EPHB1: variants seen among roughly 807,000 people sequenced by gnomAD.
The protein encoded by EPHB1 is ephrin type-B receptor 1.
EPHB1 carries 30 observed loss-of-function variants against 94.4 expected under a neutral mutation model. The ratio of observed to expected loss-of-function variants is 0.32; its 90% CI spans 0.24 to 0.43. EPHB1 has a LOEUF of 0.43. EPHB1 is among the 20% of genes least tolerant of loss of function. The pLI is 1.00. For synonymous variants in EPHB1, 522 were observed against 489.1 expected, an observed-to-expected ratio of 1.07 and a Z score of -0.89; for missense variants, 1,055 against 1,308.3, an observed-to-expected ratio of 0.81 and a Z score of 2.99.
At chr3:134,906,780 C>T (rs1312640228) in intron 1 of EPHB1, among the ~76,000 whole-genome samples, 7 of 152,208 alleles carry the variant, frequency 4.6e-5, no homozygotes, top group Non-Finnish European at 1.0e-4. Flanking sequence ...GGAGAATGTG[C>T]TCCTGGGTTG....
chr3:134,879,114 C>T (rs947418082), intron 1 of EPHB1, among the ~76,000 whole-genome samples: 2 of 152,162 alleles, frequency 1.3e-5, no homozygotes, highest in Non-Finnish European at 2.9e-5. Context: ...TCCCTTCCTG[C>T]ACCCAGGAAA....
chr3:135,179,745 C>T (rs1942101600), intron 9 of EPHB1, 115 bp from the exon 10 acceptor site: 1 of 1,280,712 alleles, frequency 7.8e-7, no homozygotes, highest in Non-Finnish European at 1.1e-6. Flanking sequence ...AAGTTGCAGC[C>T]TGGTGTGTAG....
At chr3:134,958,414 GTGT>G (rs1559771713) in intron 3 of EPHB1, among the ~76,000 whole-genome samples, 17,174 of 101,508 alleles carry the variant, frequency 0.17, 1,750 homozygotes, top group African/African-American at 0.42. Flanking sequence ...ACACAAGGGA[GTGT>G]GTGTGTGTGT....
chr3:135,034,392 C>T (rs1475340529), intron 3 of EPHB1, among the ~76,000 whole-genome samples: 1 of 152,170 alleles, frequency 6.6e-6, no homozygotes, highest in Admixed American at 6.5e-5. Flanking sequence ...GCTGGGTCTG[C>T]CTTGGAGGAT....
rs941519632 is a variant in EPHB1 at position 135,248,596 on chromosome 3, G to A, written c.2690+87G>A. 21 of 1,378,300 alleles carry A rather than the reference G, an allele frequency of 1.5e-5. No homozygotes were observed. In the Middle Eastern group the frequency reaches 9.3e-4, roughly 61 times the overall value. The allele number at this position is 1,378,300 out of a possible 1,614,324, so 85.4% of individuals were successfully genotyped here. A position where few individuals can be genotyped will look rare whatever the true frequency, so the allele number is the denominator to read the frequency against. On this transcript the variant is annotated intron_variant, in intron 14 of 15. Coordinates refer to ENST00000398015, the MANE Select transcript of EPHB1 (RefSeq NM_004441.5). ...GCAGCCTCTGACCATGATCATGTTCGAATTTTTTAAAGAGTATCTAGTTGC... is the reference window on the plus strand; with the variant it reads ...GCAGCCTCTGACCATGATCATGTTCAAATTTTTTAAAGAGTATCTAGTTGC...
chr3:135,029,996 T>C (rs1459058727), intron 3 of EPHB1, among the ~76,000 whole-genome samples: 9 of 151,438 alleles, frequency 5.9e-5, no homozygotes, highest in Non-Finnish European at 8.8e-5. Context: ...ACTGATACCC[T>C]TTCTTCCAGT....
At chr3:135,005,196 A>T (rs1181924516) in intron 3 of EPHB1, among the ~76,000 whole-genome samples, 1 of 152,158 alleles carries the variant, frequency 6.6e-6, no homozygotes, top group East Asian at 1.9e-4. Context: ...CCTCAGCTGC[A>T]GGTCTGTTGG....
At chr3:135,138,048 C>A (rs1262178896) in intron 5 of EPHB1, among the ~76,000 whole-genome samples, 1 of 152,242 alleles carries the variant, frequency 6.6e-6, no homozygotes, top group African/African-American at 2.4e-5. Flanking sequence ...GCCTCTCTAT[C>A]TTTCCTCATT....
chr3:135,257,806 C>T (rs1380411124), intron 15 of EPHB1, among the ~76,000 whole-genome samples: 1 of 152,022 alleles, frequency 6.6e-6, no homozygotes, highest in Non-Finnish European at 1.5e-5. Context: ...GCGCCCCTCC[C>T]CCAGCCTGGC....
chr3:135,217,379 C>CTT (rs71157326), intron 12 of EPHB1, among the ~76,000 whole-genome samples: 23,177 of 151,014 alleles, frequency 0.15, 2,090 homozygotes, highest in Middle Eastern at 0.21. Flanking sequence ...GACAAAAAGA[C>CTT]TGTGAACTTC....
At chr3:135,098,389 C>G (rs1559829176) in intron 3 of EPHB1, among the ~76,000 whole-genome samples, 1 of 152,026 alleles carries the variant, frequency 6.6e-6, no homozygotes. Flanking sequence ...GTCTCATACT[C>G]TATAGTTTTA....
chr3:134,809,246 TTG>T (rs2036122088), intron 1 of EPHB1, among the ~76,000 whole-genome samples: 1 of 152,312 alleles, frequency 6.6e-6, no homozygotes, highest in South Asian at 2.1e-4. Context: ...TCTTTCTCAT[TTG>T]AGAGAGAGAG....
At chr3:134,927,934 A>G (rs1560300719) in intron 2 of EPHB1, among the ~76,000 whole-genome samples, 1 of 152,208 alleles carries the variant, frequency 6.6e-6, no homozygotes, top group Non-Finnish European at 1.5e-5. Flanking sequence ...GTGGAAAAGG[A>G]GGATCAAGGA....
At chr3:134,801,011 A>G (rs186149514) in intron 1 of EPHB1, among the ~76,000 whole-genome samples, 1 of 152,344 alleles carries the variant, frequency 6.6e-6, no homozygotes, top group Admixed American at 6.5e-5. Flanking sequence ...AAGGCTTTGC[A>G]TGAAGGAAGA....
intron 3 of EPHB1, among the ~76,000 whole-genome samples, chr3:135,032,122 T>G (rs530043818): frequency 6.6e-6 from 1 of 152,266 alleles, no homozygotes; most frequent in East Asian, 1.9e-4. Context: ...GTCTGGAGTT[T>G]GATGTCTTTT....
rs555854914 is a variant in EPHB1, at chr3:135,034,084, G to A, written c.806-72364G>A. Among the ~76,000 whole-genome samples, 7 of 152,060 alleles carry A rather than the reference G, an allele frequency of 4.6e-5. No individual in the cohort carries two copies. The South Asian group carries it at 1.2e-3, about 27-fold the overall frequency. On this transcript the variant is annotated intron_variant, in intron 3 of 15. Coordinates refer to ENST00000398015, the MANE Select transcript of EPHB1 (RefSeq NM_004441.5). ...AACTCTGAGAAGGAAAGAAAAACAC[G>A]GTTAGCAACTGTATCCTGTATTTCT...
chr3:135,162,251 G>T (rs1941530722), intron 7 of EPHB1, 71 bp downstream of exon 7: 2 of 1,450,088 alleles, frequency 1.4e-6, no homozygotes, highest in Admixed American at 2.3e-5. Context: ...CCCCAAAGAT[G>T]CTGCACTAGC....
chr3:135,018,997 G>C (rs2107753224), intron 3 of EPHB1, among the ~76,000 whole-genome samples: 1 of 152,242 alleles, frequency 6.6e-6, no homozygotes, highest in Non-Finnish European at 1.5e-5. Context: ...ACAGGGGAGA[G>C]AGGGAGCATC....
chr3:135,157,939 A>G (rs2107696613), intron 6 of EPHB1, among the ~76,000 whole-genome samples: 1 of 152,320 alleles, frequency 6.6e-6, no homozygotes. Flanking sequence ...TGACTTACCC[A>G]TAACAGCACA....
Sources: gnomAD v4.1 joint callset for allele counts (sites outside exome capture counted in the v4.1 genomes callset) on GRCh38, gnomAD v4.1.1 for gene constraint, MANE v1.5 for transcripts, NCBI Gene and HGNC (gene_info 2026-07-23, HGNC 2026-07-21) for gene names.